The following PTPRF variants were observed in gnomAD, a reference collection of about 807,000 sequenced individuals.
The protein encoded by PTPRF is receptor-type tyrosine-protein phosphatase F.
Under a neutral mutation model 201.8 loss-of-function variants are expected in PTPRF, and 59 were observed. That is an observed-to-expected ratio of 0.29 (90% CI 0.24 to 0.36). The LOEUF (loss-of-function observed/expected upper bound fraction) is 0.36, where lower values mean the gene tolerates loss of function less well. Among genes scored for constraint, PTPRF ranks in the 10% least tolerant of loss-of-function variants. The pLI is 1.00. For synonymous variants in PTPRF, 1,088 were observed against 1,089.7 expected, an observed-to-expected ratio of 1.00 and a Z score of 0.03; for missense variants, 2,132 against 2,690.5, an observed-to-expected ratio of 0.79 and a Z score of 4.59.
chr1:43,566,155 C>T (rs1646167337), intron 5 of PTPRF, among the ~76,000 whole-genome samples: 1 of 152,120 alleles, frequency 6.6e-6, no homozygotes, highest in Non-Finnish European at 1.5e-5. Context: ...GGGAGGCTGC[C>T]GGCCCTCTCG....
rs142286926 is a variant in PTPRF, at chr1:43,545,154, G to A, written c.79G>A (p.Ala27Thr). The A allele has an allele frequency of 2.5e-5, 40 of 1,579,962 alleles. No homozygotes were observed. In the East Asian group the frequency reaches 2.6e-4, roughly 10 times the overall value. ...GGTGATGCTTGGTTTGGTGGCAGGC[G>A]CCCATGGTGACAGTAAGTCTGACCC... ...ALVMLGLVAGAHGDSKPVFIK... is the reference protein window; with the variant it reads ...ALVMLGLVAGTHGDSKPVFIK... The change falls in exon 3 of 34, where the codon GCC (alanine) becomes ACC (threonine). Residue 27 changes from alanine (A) to threonine (T), a missense_variant. Ala to Thr is a moderately conservative substitution (Grantham distance 58). Transcript: ENST00000359947.
At chr1:43,574,975 A>G (rs2153992755) in intron 6 of PTPRF, among the ~76,000 whole-genome samples, 1 of 152,336 alleles carries the variant, frequency 6.6e-6, no homozygotes, top group East Asian at 1.9e-4. Context: ...AAGTTCCATG[A>G]AACGGATTGG....
chr1:43,544,778 C>T (rs945794185), intron 2 of PTPRF, among the ~76,000 whole-genome samples: 4 of 152,262 alleles, frequency 2.6e-5, no homozygotes, highest in African/African-American at 9.6e-5. Flanking sequence ...GGCCCGAAGG[C>T]CTCCTGCGCT....
upstream of PTPRF, among the ~76,000 whole-genome samples, chr1:43,527,218 C>G (rs531141031): frequency 6.6e-6 from 1 of 152,300 alleles, no homozygotes; most frequent in South Asian, 2.1e-4. Flanking sequence ...CACACAATGA[C>G]CACATGGTGC....
chr1:43,565,620 T>C (rs1646109489), intron 5 of PTPRF, among the ~76,000 whole-genome samples: 1 of 151,958 alleles, frequency 6.6e-6, no homozygotes, highest in African/African-American at 2.4e-5. Flanking sequence ...CTGAGACGCG[T>C]AGTGCAGACG....
intron 7 of PTPRF, 171 bp downstream of exon 7, chr1:43,579,091 C>G (rs1235814863): frequency 4.1e-6 from 3 of 735,116 alleles, no homozygotes; most frequent in Non-Finnish European, 7.4e-6. Flanking sequence ...TGGGCAAGTT[C>G]CTGGCGTCTG....
Position 43,604,090 on chromosome 1 carries a change from C to G in PTPRF, c.2938C>G (p.Pro980Ala). 1.2e-6 allele frequency: 2 copies of G among 1,614,232 alleles called. No homozygotes were observed. ...DTRFTLTGLK[P>A]DTTYDIKVRA... Reference sequence around the variant, plus strand: ...CCGCTTTACCCTTACTGGCCTCAAGCCAGACACCACTTACGACATCAAGGT... The same window carrying G: ...CCGCTTTACCCTTACTGGCCTCAAGGCAGACACCACTTACGACATCAAGGT... The change falls in exon 16 of 34, where the codon CCA becomes GCA. Residue 980 changes from proline to alanine, a missense_variant. Coordinates refer to ENST00000359947, the MANE Select transcript of PTPRF (RefSeq NM_002840.5).
intron 9 of PTPRF, 126 bp downstream of exon 9, chr1:43,591,679 C>T: frequency 2.1e-6 from 3 of 1,444,994 alleles, no homozygotes; most frequent in Non-Finnish European, 1.9e-6. Context: ...GTGCCGTATT[C>T]CATAGATGTG....
intron 3 of PTPRF, 79 bp downstream of exon 3, chr1:43,545,245 A>G: frequency 7.0e-7 from 1 of 1,429,372 alleles, no homozygotes; most frequent in Non-Finnish European, 9.6e-7. Context: ...GGATGGGGAC[A>G]GACCGGCTAC....
chr1:43,535,784 C>CTTT (rs199937059), intron 1 of PTPRF, among the ~76,000 whole-genome samples: 1,921 of 152,250 alleles, frequency 0.013, 38 homozygotes, highest in African/African-American at 0.042. Context: ...TTCTTTTTCT[C>CTTT]TTTGGTTTGA....
intron 5 of PTPRF, among the ~76,000 whole-genome samples, chr1:43,557,769 G>T (rs188803296): frequency 6.6e-6 from 1 of 152,166 alleles, no homozygotes; most frequent in Non-Finnish European, 1.5e-5. Context: ...CAAGTACCCA[G>T]ACCCTGTCCA....
chr1:43,579,057 TGCA>T, intron 7 of PTPRF, 137 bp downstream of exon 7: 1 of 828,142 alleles, frequency 1.2e-6, no homozygotes, highest in Non-Finnish European at 2.1e-6. Context: ...TGCTTCTTTC[TGCA>T]GCAGCAGCAA....
chr1:43,545,437 T>G (rs993658282), intron 3 of PTPRF, among the ~76,000 whole-genome samples: 3 of 152,116 alleles, frequency 2.0e-5, no homozygotes, highest in Non-Finnish European at 4.4e-5. Flanking sequence ...TGGATTCATG[T>G]GGTCATTGTG....
chr1:43,571,677 C>T (rs925336554), intron 6 of PTPRF, among the ~76,000 whole-genome samples: 1 of 152,244 alleles, frequency 6.6e-6, no homozygotes. Flanking sequence ...CACTGCTTTC[C>T]CTGCCTCCGG....
rs749312186 is a variant in PTPRF at position 43,619,664 on chromosome 1, C to T, written c.4933-16C>T. 16 of 1,613,370 alleles carry T rather than the reference C, an allele frequency of 9.9e-6. No individual in the cohort carries two copies. In the Admixed American group the frequency reaches 2.3e-4, roughly 24 times the overall value. ...CCACAGGAAGCCTGGCCTGACCAAT[C>T]CCTGCCTCTCAATAGTTGCTGGCCA... is the stretch of plus-strand genomic sequence containing the variant. On this transcript the variant is annotated splice_polypyrimidine_tract_variant and intron_variant, in intron 28 of 33. Coordinates refer to ENST00000359947, the MANE Select transcript of PTPRF (RefSeq NM_002840.5).
intron 7 of PTPRF, among the ~76,000 whole-genome samples, chr1:43,581,395 A>G (rs1647587106): frequency 6.6e-6 from 1 of 152,180 alleles, no homozygotes; most frequent in Admixed American, 6.5e-5. Context: ...CTGATGTCTC[A>G]GGACCGTTTC....
intron 2 of PTPRF, among the ~76,000 whole-genome samples, chr1:43,543,125 AG>A (rs1644454905): frequency 6.6e-6 from 1 of 152,118 alleles, no homozygotes; most frequent in Non-Finnish European, 1.5e-5. Flanking sequence ...ATGGTCCATC[AG>A]GGGACCATAC....
intron 6 of PTPRF, among the ~76,000 whole-genome samples, chr1:43,577,597 G>T (rs189308759): frequency 6.6e-6 from 1 of 152,206 alleles, no homozygotes; most frequent in Non-Finnish European, 1.5e-5. Context: ...GGCCCCAACC[G>T]TGAGAGCATG....
chr1:43,620,164 A>G lies in PTPRF; in HGVS notation c.5181A>G (p.Leu1727=), dbSNP rs747896910. 8 of 1,614,008 alleles carry G rather than the reference A, an allele frequency of 5.0e-6. No individual in the cohort carries two copies. Among genetic ancestry groups the G allele is most frequent in the South Asian group, 3.3e-5 (3 of 91,094 alleles). Residue 1727 remains leucine, a synonymous_variant, in exon 30 of 34, where the codon CTA becomes CTG. Coordinates refer to ENST00000359947, the MANE Select transcript of PTPRF (RefSeq NM_002840.5). ...GCACCGAGGACTTCTGGCGCATGCT[A>G]TGGGAGCACAATTCCACCATCATCG... The part of the protein sequence containing the change: ...AESTEDFWRM[L]WEHNSTIIVM...
Sources: gnomAD v4.1 joint callset for allele counts (sites outside exome capture counted in the v4.1 genomes callset) on GRCh38, gnomAD v4.1.1 for gene constraint, MANE v1.5 for transcripts, NCBI Gene and HGNC (gene_info 2026-07-23, HGNC 2026-07-21) for gene names.